Variants in NRXN3 observed in about 807,000 individuals in gnomAD.
The protein encoded by NRXN3 is neurexin 3, also known as neurexin III.
A neutral mutation model predicts 137.6 loss-of-function variants in NRXN3; 32 were observed. The observed-to-expected ratio is 0.23, with a 90% CI of 0.18 to 0.31. The LOEUF (loss-of-function observed/expected upper bound fraction) is 0.31, where lower values mean the gene tolerates loss of function less well. Ranked by LOEUF, NRXN3 falls within the 10% of genes least tolerant of loss-of-function variation. The pLI is 1.00. For synonymous variants in NRXN3, 798 were observed against 784.5 expected, an observed-to-expected ratio of 1.02 and a Z score of -0.29; for missense variants, 1,574 against 2,062.5, an observed-to-expected ratio of 0.76 and a Z score of 4.59.
chr14:79,032,132 A>G (rs759209302), intron 15 of NRXN3, among the ~76,000 whole-genome samples: 25 of 152,202 alleles, frequency 1.6e-4, no homozygotes, highest in Non-Finnish European at 3.4e-4. Flanking sequence ...ATAATACACT[A>G]TCAAAAAGTC....
At chr14:79,576,145 T>C (rs967561143) in intron 16 of NRXN3, among the ~76,000 whole-genome samples, 2 of 152,126 alleles carry the variant, frequency 1.3e-5, no homozygotes, top group African/African-American at 4.8e-5. Context: ...TCTAGCTAAG[T>C]ATAGGAGCAG....
At chr14:79,521,480 T>C (rs1484056993) in intron 16 of NRXN3, among the ~76,000 whole-genome samples, 1 of 152,182 alleles carries the variant, frequency 6.6e-6, no homozygotes, top group East Asian at 1.9e-4. Context: ...ATTTGCTTTT[T>C]GACCTATCAT....
At chr14:79,618,381 C>T (rs993752086) in intron 16 of NRXN3, among the ~76,000 whole-genome samples, 5 of 151,998 alleles carry the variant, frequency 3.3e-5, no homozygotes, top group African/African-American at 1.2e-4. Flanking sequence ...CTATTGTTGA[C>T]ATATTTATGT....
At chr14:79,136,640 A>C (rs892323709) in intron 15 of NRXN3, among the ~76,000 whole-genome samples, 5 of 152,206 alleles carry the variant, frequency 3.3e-5, no homozygotes, top group Non-Finnish European at 5.9e-5. Flanking sequence ...TGCTCCTCTC[A>C]CAATGGGGCC....
At chr14:79,713,190 T>TA (rs1491331184) in intron 19 of NRXN3, among the ~76,000 whole-genome samples, 14 of 108,626 alleles carry the variant, frequency 1.3e-4, no homozygotes, top group African/African-American at 3.8e-4. Flanking sequence ...TTTTTTTTTT[T>TA]ACCCTCTCTC....
intron 8 of NRXN3, among the ~76,000 whole-genome samples, chr14:78,756,155 T>C (rs1004669136): frequency 2.0e-5 from 3 of 152,270 alleles, no homozygotes; most frequent in African/African-American, 7.2e-5. Context: ...GAAAGTATAA[T>C]ATCCAAGAAA....
rs141323685 is a variant in NRXN3, at chr14:78,325,252, G to A, written c.757+27392G>A. On this transcript the variant is annotated intron_variant, in intron 4 of 20. Coordinates refer to ENST00000335750, the MANE Select transcript of NRXN3 (RefSeq NM_001330195.2). ...ATGGACAGGGGTTATGTTTCGGGGT[G>A]TGGGAAGGCACCTGAGCCATGGTGG... is the stretch of plus-strand genomic sequence containing the variant. Among the ~76,000 whole-genome samples, 5 of 152,108 alleles carry A rather than the reference G, an allele frequency of 3.3e-5. No individual in the cohort carries two copies. In the East Asian group the frequency reaches 9.7e-4, roughly 29 times the overall value.
At chr14:78,502,975 T>A (rs535109220) in intron 4 of NRXN3, among the ~76,000 whole-genome samples, 1 of 152,318 alleles carries the variant, frequency 6.6e-6, no homozygotes, top group Non-Finnish European at 1.5e-5. Flanking sequence ...TGTTTTTGCA[T>A]CAGATGATAT....
intron 15 of NRXN3, among the ~76,000 whole-genome samples, chr14:79,447,870 C>A (rs2096090419): frequency 6.6e-6 from 1 of 152,232 alleles, no homozygotes. Flanking sequence ...ATATCCTGAG[C>A]TCATACATGT....
chr14:78,267,807 A>G (rs973702297), intron 2 of NRXN3, among the ~76,000 whole-genome samples: 3 of 152,248 alleles, frequency 2.0e-5, no homozygotes, highest in Admixed American at 2.0e-4. Context: ...ATAGAAGACC[A>G]TGTAGGACCA....
At chr14:79,177,413 G>A (rs771901732) in intron 15 of NRXN3, among the ~76,000 whole-genome samples, 4 of 152,056 alleles carry the variant, frequency 2.6e-5, no homozygotes, top group Non-Finnish European at 4.4e-5. Flanking sequence ...ATCAGCCCTC[G>A]GAGAAAATAA....
intron 16 of NRXN3, among the ~76,000 whole-genome samples, chr14:79,531,967 C>T (rs1330927410): frequency 1.3e-5 from 2 of 152,198 alleles, no homozygotes; most frequent in African/African-American, 4.8e-5. Flanking sequence ...CCCTCTATAT[C>T]CTTCACCTTT....
intron 1 of NRXN3, among the ~76,000 whole-genome samples, chr14:78,229,090 CT>C (rs2065046960): frequency 1.3e-5 from 2 of 152,086 alleles, no homozygotes; most frequent in Non-Finnish European, 2.9e-5. Flanking sequence ...GGGATGGTCC[CT>C]TAAATGTTGA....
intron 1 of NRXN3, among the ~76,000 whole-genome samples, chr14:78,236,729 T>C (rs1266667111): frequency 4.2e-5 from 6 of 141,386 alleles, no homozygotes; most frequent in South Asian, 2.4e-4. Context: ...TAGGTATTAT[T>C]CCCCCCCCCC....
intron 19 of NRXN3, among the ~76,000 whole-genome samples, chr14:79,731,708 A>G (rs189098097): frequency 1.3e-5 from 2 of 151,526 alleles, no homozygotes; most frequent in East Asian, 1.9e-4. Context: ...CTGGTCTTGA[A>G]CACCTGACCT....
At chr14:78,292,844 A>G (rs541126941) in intron 3 of NRXN3, among the ~76,000 whole-genome samples, 189 of 152,158 alleles carry the variant, frequency 1.2e-3, no homozygotes, top group African/African-American at 4.2e-3. Flanking sequence ...ATAAATGCCA[A>G]ACTCCAAAAC....
intron 4 of NRXN3, among the ~76,000 whole-genome samples, chr14:78,299,589 C>T (rs2076681660): frequency 2.6e-5 from 4 of 152,234 alleles, no homozygotes; most frequent in Middle Eastern, 3.4e-3. Context: ...GAGTGCATCA[C>T]ATCATAGGGC....
intron 10 of NRXN3, among the ~76,000 whole-genome samples, chr14:78,826,300 C>T (rs374291573): frequency 3.3e-5 from 5 of 152,102 alleles, no homozygotes; most frequent in African/African-American, 7.2e-5. Context: ...CAGGCACTCA[C>T]GACCCCACCC....
chr14:79,608,983 T>A (rs2098062691), intron 16 of NRXN3, among the ~76,000 whole-genome samples: 1 of 152,228 alleles, frequency 6.6e-6, no homozygotes, highest in African/African-American at 2.4e-5. Flanking sequence ...AGATCTATAA[T>A]GTTTATTGAC....
Sources: allele counts gnomAD v4.1 joint callset (sites outside exome capture counted in the v4.1 genomes callset), GRCh38; gene constraint gnomAD v4.1.1; transcripts MANE v1.5; gene names NCBI Gene and HGNC (gene_info 2026-07-23, HGNC 2026-07-21).